COG5: variants seen among roughly 807,000 people sequenced by gnomAD.
COG5 encodes the protein conserved oligomeric Golgi complex subunit 5.
COG5 carries 86 observed loss-of-function variants against 110.4 expected under a neutral mutation model. The observed-to-expected ratio is 0.78, with a 90% CI of 0.65 to 0.93. The LOEUF (loss-of-function observed/expected upper bound fraction) is 0.93, where lower values mean the gene tolerates loss of function less well. Among genes scored for constraint, COG5 ranks in the 40% least tolerant of loss-of-function variants. The pLI is 0.00. For missense variants in COG5, 1,077 were observed against 987.0 expected, an observed-to-expected ratio of 1.09 and a Z score of -1.22; for synonymous variants, 360 against 334.6, an observed-to-expected ratio of 1.08 and a Z score of -0.83.
intron 6 of COG5, among the ~76,000 whole-genome samples, chr7:107,431,499 TA>T (rs1205002900): frequency 1.3e-5 from 2 of 152,166 alleles, no homozygotes; most frequent in African/African-American, 4.8e-5. Flanking sequence ...CTTTTTAAAA[TA>T]AAAAGATGGG....
chr7:107,368,726 T>C (rs146525348), intron 8 of COG5, among the ~76,000 whole-genome samples: 10 of 152,326 alleles, frequency 6.6e-5, no homozygotes, highest in Admixed American at 2.0e-4. Flanking sequence ...TGATGAAATT[T>C]GGATATTCTG....
At chr7:107,430,951 C>T (rs189937098) in intron 6 of COG5, among the ~76,000 whole-genome samples, 5 of 151,996 alleles carry the variant, frequency 3.3e-5, no homozygotes, top group East Asian at 1.9e-4. Flanking sequence ...AAAGGTGATA[C>T]GATGCAGGGC....
At chr7:107,346,200 C>CA (rs1358103523) in intron 10 of COG5, among the ~76,000 whole-genome samples, 1 of 152,152 alleles carries the variant, frequency 6.6e-6, no homozygotes, top group Non-Finnish European at 1.5e-5. Context: ...ACATCAAGAA[C>CA]AAACATATTA....
At chr7:107,471,529 T>C (rs182002184) in intron 6 of COG5, 52 of 151,940 alleles carry the variant, frequency 3.4e-4, no homozygotes, top group African/African-American at 1.3e-3. Context: ...TCTACATTAC[T>C]GATGGAATAT....
chr7:107,248,564 T>G (rs1359385930), intron 16 of COG5, 65 bp from the exon 17 acceptor site: 4 of 1,103,482 alleles, frequency 3.6e-6, no homozygotes, highest in Admixed American at 3.7e-5. Flanking sequence ...CCAAAGAAAT[T>G]TGAGATGTGA....
chr7:107,420,869 A>G (rs576049082), intron 6 of COG5, among the ~76,000 whole-genome samples: 4 of 152,354 alleles, frequency 2.6e-5, no homozygotes, highest in Admixed American at 1.3e-4. Flanking sequence ...TTATATTTCA[A>G]GTCTAAGGCA....
Position 107,224,405 on chromosome 7 carries a change from C to T in COG5, c.2168+6210G>A, listed in dbSNP as rs192200839. On this transcript the variant is annotated intron_variant, in intron 19 of 21. Transcript: ENST00000297135. ...AGTTATTGACAGTTTTCTTCTTCCA[C>T]TGCTCCTCATGCTAAAAGATCCATC... Among the ~76,000 whole-genome samples the T allele has an allele frequency of 1.5e-3, 223 of 152,350 alleles. 1 individual carries two copies. Among genetic ancestry groups the T allele is most frequent in the African/African-American group, 5.2e-3 (215 of 41,590 alleles).
chr7:107,229,173 A>T (rs1019312367), intron 19 of COG5, among the ~76,000 whole-genome samples: 1 of 152,104 alleles, frequency 6.6e-6, no homozygotes, highest in African/African-American at 2.4e-5. Flanking sequence ...TTCTTCGGCT[A>T]GGCGCAGTGG....
At chr7:107,512,045 G>A (rs7805630) in intron 6 of COG5, among the ~76,000 whole-genome samples, 5 of 151,920 alleles carry the variant, frequency 3.3e-5, no homozygotes, top group African/African-American at 1.2e-4. Flanking sequence ...GTTCTGGCCA[G>A]GGCAATTAGG....
At chr7:107,233,492 G>T (rs929193767) in intron 18 of COG5, among the ~76,000 whole-genome samples, 18 of 152,236 alleles carry the variant, frequency 1.2e-4, no homozygotes, top group Non-Finnish European at 1.5e-5. Flanking sequence ...ACTGGTGCCA[G>T]TGAGGAGAAG....
At chr7:107,475,054 T>C (rs754057234) in intron 6 of COG5, 1 of 1,613,150 alleles carries the variant, frequency 6.2e-7, no homozygotes, top group Non-Finnish European at 8.5e-7. Context: ...AATTTCTGTT[T>C]TAAATACCAC....
rs530715320 is a variant in COG5, at chr7:107,412,803, A to G, written c.539-171T>C. 5.3e-5 allele frequency among the ~76,000 whole-genome samples: 8 copies of G among 152,272 alleles called. No individual in the cohort carries two copies. In the South Asian group the frequency reaches 1.7e-3, roughly 32 times the overall value. ...CAGTTTCCCAAATATTTTCTATTTA[A>G]TAAGTAATTTATGCTGGAGTTAAAT... is the stretch of plus-strand genomic sequence containing the variant. On this transcript the variant is annotated intron_variant, in intron 6 of 21. Transcript: ENST00000297135.
At chr7:107,269,552 A>G (rs1804078475) in intron 14 of COG5, among the ~76,000 whole-genome samples, 1 of 152,006 alleles carries the variant, frequency 6.6e-6, no homozygotes, top group African/African-American at 2.4e-5. Context: ...AATGACATGC[A>G]TTTTAAAATG....
At chr7:107,455,886 C>T (rs1034663442) in intron 6 of COG5, among the ~76,000 whole-genome samples, 15 of 151,466 alleles carry the variant, frequency 9.9e-5, no homozygotes, top group African/African-American at 2.9e-4. Context: ...CTCTGCCTCC[C>T]GCGTTCAAGC....
Position 107,362,151 on chromosome 7 carries a change from C to A in COG5, c.949-41G>T, listed in dbSNP as rs200549754. 28 of 1,510,994 alleles carry A rather than the reference C, an allele frequency of 1.9e-5. No individual in the cohort carries two copies. In the East Asian group the frequency reaches 5.5e-4, roughly 29 times the overall value. The allele number at this position is 1,510,994 out of a possible 1,614,324, so 93.6% of individuals were successfully genotyped here. ...TGTAAAGCTTAGGCAATAGAAAAAGCAAGAAAAGGGAAATGGCAACCTTTA... is the reference window on the plus strand; with the variant it reads ...TGTAAAGCTTAGGCAATAGAAAAAGAAAGAAAAGGGAAATGGCAACCTTTA... On this transcript the variant is annotated intron_variant, in intron 9 of 21. Coordinates refer to ENST00000297135, the MANE Select transcript of COG5 (RefSeq NM_006348.5).
chr7:107,220,304 A>T (rs939646834), intron 19 of COG5, among the ~76,000 whole-genome samples: 1 of 152,260 alleles, frequency 6.6e-6, no homozygotes, highest in Admixed American at 6.5e-5. Context: ...AGGTCACACA[A>T]TTATCACCTC....
chr7:107,388,546 G>A (rs768988891), intron 7 of COG5, among the ~76,000 whole-genome samples: 5 of 152,146 alleles, frequency 3.3e-5, no homozygotes, highest in East Asian at 3.9e-4. Flanking sequence ...AAACAGAAAA[G>A]GGAGAGTATG....
intron 6 of COG5, among the ~76,000 whole-genome samples, chr7:107,485,424 T>C (rs1300630339): frequency 6.6e-6 from 1 of 152,186 alleles, no homozygotes; most frequent in Non-Finnish European, 1.5e-5. Flanking sequence ...CATTGTCAAA[T>C]ACAAGAAATA....
chr7:107,508,888 C>A (rs1799259907), intron 6 of COG5, among the ~76,000 whole-genome samples: 1 of 152,120 alleles, frequency 6.6e-6, no homozygotes, highest in South Asian at 2.1e-4. Context: ...ACACCAAAAA[C>A]CCTTCTGTAC....
Sources: allele counts gnomAD v4.1 joint callset (sites outside exome capture counted in the v4.1 genomes callset), GRCh38; gene constraint gnomAD v4.1.1; transcripts MANE v1.5; gene names NCBI Gene and HGNC (gene_info 2026-07-23, HGNC 2026-07-21).